The following ERICH1 variants were observed in gnomAD, a reference collection of about 807,000 sequenced individuals.
ERICH1 encodes the protein glutamate-rich protein 1.
In ERICH1, 56 loss-of-function variants were observed where a neutral mutation model predicts 39.6. That is an observed-to-expected ratio of 1.41 (90% CI 1.14 to 1.77). ERICH1 has a LOEUF of 1.77. ERICH1 is among the 40% of genes most tolerant of loss of function. The pLI is 0.00. For synonymous variants in ERICH1, 313 were observed against 223.6 expected, an observed-to-expected ratio of 1.40 and a Z score of -3.57; for missense variants, 826 against 575.4, an observed-to-expected ratio of 1.44 and a Z score of -4.45.
chr8:662,692 C>T (rs1306926814), downstream of ERICH1, among the ~76,000 whole-genome samples: 1 of 152,136 alleles, frequency 6.6e-6, no homozygotes, highest in African/African-American at 2.4e-5. Flanking sequence ...AGCATTTAAA[C>T]GGGAGGTTTG....
intron 1 of ERICH1, among the ~76,000 whole-genome samples, chr8:722,026 T>C (rs1248347374): frequency 6.6e-6 from 1 of 152,022 alleles, no homozygotes; most frequent in African/African-American, 2.4e-5. Context: ...CGATGCTGCA[T>C]GGCCCAAATG....
At position 644,256 on chromosome 8, in the gene ERICH1, G is replaced by A. The variant is rs191850959; in HGVS notation, c.976+24342C>T. Among the ~76,000 whole-genome samples, 436 of 152,306 alleles carry A rather than the reference G, an allele frequency of 2.9e-3. 12 individuals carry two copies. The highest frequency in any genetic ancestry group is 1.9e-3 in the East Asian group (10 of 5,178). On this transcript the variant is annotated intron_variant, in intron 3 of 3. Transcript: ENST00000522706. Reference sequence around the variant, plus strand: ...GCGAGTGCCTGGCCTCCTGCTCTTCGGGCTTCAGGGCTCCTGCAGAGGGTG... The same window carrying A: ...GCGAGTGCCTGGCCTCCTGCTCTTCAGGCTTCAGGGCTCCTGCAGAGGGTG...
intron 1 of ERICH1, among the ~76,000 whole-genome samples, chr8:726,407 C>A (rs1017089470): frequency 3.3e-5 from 5 of 151,990 alleles, no homozygotes; most frequent in Non-Finnish European, 7.4e-5. Flanking sequence ...CACACAGACA[C>A]ACATGTACAC....
intron 3 of ERICH1, among the ~76,000 whole-genome samples, chr8:687,864 G>A (rs1807834856): frequency 1.3e-5 from 2 of 152,106 alleles, no homozygotes; most frequent in South Asian, 2.1e-4. Context: ...CCCCGAGAAC[G>A]GAGCGCGCGG....
Position 703,260 on chromosome 8 carries a change from A to G in ERICH1, c.170-10648T>C, listed in dbSNP as rs1390670808. 2.0e-5 allele frequency among the ~76,000 whole-genome samples: 3 copies of G among 152,234 alleles called. No homozygotes were observed. The East Asian group carries it at 5.8e-4, about 29-fold the overall frequency. ...TGAAGGTGCAGGACAGACCAAGTGC[A>G]CACACCCCATCCTCCTCCTAAGGCC... is the stretch of plus-strand genomic sequence containing the variant. On this transcript the variant is annotated intron_variant, in intron 2 of 5. Coordinates refer to ENST00000262109, the MANE Select transcript of ERICH1 (RefSeq NM_207332.3).
At chr8:639,066 G>A (rs62486208) in intron 3 of ERICH1, among the ~76,000 whole-genome samples, 16,018 of 152,132 alleles carry the variant, frequency 0.11, 930 homozygotes, top group African/African-American at 0.12. Flanking sequence ...TGAAGACCAC[G>A]GTCCATGCTG....
chr8:614,826 G>C (rs145134866), exon 4 of ERICH1: 1 of 178,774 alleles, frequency 5.6e-6, no homozygotes, highest in African/African-American at 2.3e-5. Flanking sequence ...TGTGGAGACT[G>C]ATCTGAAAAA....
intron 1 of ERICH1, among the ~76,000 whole-genome samples, chr8:723,439 A>G (rs1045879743): frequency 6.6e-6 from 1 of 152,230 alleles, no homozygotes; most frequent in African/African-American, 2.4e-5. Context: ...ACAAGAAATA[A>G]TCATTAGTAG....
chr8:687,419 C>G (rs1370890596), intron 3 of ERICH1, among the ~76,000 whole-genome samples: 1 of 152,268 alleles, frequency 6.6e-6, no homozygotes, highest in Non-Finnish European at 1.5e-5. Context: ...CGGCAACGCT[C>G]ACGTTTGCAC....
chr8:629,887 G>A lies in ERICH1; in HGVS notation c.977-14603C>T, dbSNP rs1426742655. Among the ~76,000 whole-genome samples the A allele has an allele frequency of 1.8e-3, 222 of 124,862 alleles. 1 individual carries two copies. The highest frequency in any genetic ancestry group is 2.9e-3 in the South Asian group (11 of 3,790). 81.9% of individuals were successfully genotyped at this position (124,862 alleles called of 152,430 possible). On this transcript the variant is annotated intron_variant, in intron 3 of 3. Coordinates refer to the ERICH1 transcript ENST00000522706. ...AGACAGAGCTGACTCACACCCTCCT[G>A]TGAGCACCCACACAGACAGAGCTGA...
chr8:727,152 G>A (rs1275559324), intron 1 of ERICH1, among the ~76,000 whole-genome samples: 1 of 151,842 alleles, frequency 6.6e-6, no homozygotes, highest in Non-Finnish European at 1.5e-5. Flanking sequence ...GATGCACACA[G>A]ACATGCATGC....
intron 3 of ERICH1, among the ~76,000 whole-genome samples, chr8:683,442 C>G (rs1806587364): frequency 6.6e-6 from 1 of 152,174 alleles, no homozygotes; most frequent in Non-Finnish European, 1.5e-5. Context: ...TCAGCAGGTG[C>G]CTGAACACCC....
intron 5 of ERICH1, among the ~76,000 whole-genome samples, chr8:665,829 C>A (rs1476054434): frequency 6.6e-6 from 1 of 152,172 alleles, no homozygotes; most frequent in Non-Finnish European, 1.5e-5. Flanking sequence ...CAGAAAACAC[C>A]CACACCTGCT....
chr8:633,666 G>C (rs112599707), intron 3 of ERICH1, among the ~76,000 whole-genome samples: 1 of 152,258 alleles, frequency 6.6e-6, no homozygotes, highest in Non-Finnish European at 1.5e-5. Context: ...AAGCATCACC[G>C]TCCTGATATA....
rs1363540059 is a variant in ERICH1, at chr8:668,757, C to G, written c.1099G>C (p.Asp367His). ...SRDAASAALA[D>H]AAEELLDRLA... ...CGGTCCAGCAGCTCCTCAGCGGCAT[C>G]TGCGAGGGCAGCTGAAGCTGCATCT... is the stretch of plus-strand genomic sequence containing the variant. Residue 367 changes from aspartate to histidine, a missense_variant, in exon 5 of 6, where the codon GAT (aspartate) becomes CAT (histidine). Physicochemically the swap from Asp to His is moderately conservative, Grantham distance 81. Coordinates refer to ENST00000262109, the MANE Select transcript of ERICH1 (RefSeq NM_207332.3). 1 of 1,612,052 alleles carries G rather than the reference C, an allele frequency of 6.2e-7. No individual in the cohort carries two copies. The highest frequency in any genetic ancestry group is 8.5e-7 in the Non-Finnish European group (1 of 1,178,672).
At chr8:627,669 C>A (rs1797670687) in intron 3 of ERICH1, among the ~76,000 whole-genome samples, 1 of 152,224 alleles carries the variant, frequency 6.6e-6, no homozygotes, top group South Asian at 2.1e-4. Context: ...ACCACCTGAA[C>A]CCGAAAGCAA....
At chr8:653,248 G>A (rs545075116) in intron 3 of ERICH1, among the ~76,000 whole-genome samples, 52 of 152,326 alleles carry the variant, frequency 3.4e-4, no homozygotes, top group African/African-American at 1.1e-3. Context: ...GTGCTAACAC[G>A]AACTAAATGT....
intron 3 of ERICH1, among the ~76,000 whole-genome samples, chr8:652,005 G>A (rs1394270198): frequency 6.6e-6 from 1 of 152,202 alleles, no homozygotes; most frequent in Admixed American, 6.5e-5. Context: ...ACTGATTTGG[G>A]AAAAGGCCGT....
In ERICH1 at chr8:668,607, T is replaced by A. The variant is rs1257055059; in HGVS notation, c.1249A>T (p.Met417Leu). 4 of 1,614,256 alleles carry A rather than the reference T, an allele frequency of 2.5e-6. No homozygotes were observed. The highest frequency in any genetic ancestry group is 3.4e-6 in the Non-Finnish European group (4 of 1,180,046). Residue 417 changes from methionine to leucine, a missense_variant, in exon 5 of 6, where the codon ATG (methionine) becomes TTG (leucine). Transcript: ENST00000262109. The part of the protein sequence containing the change: ...ALEMFPEHCT[M>L]PPDHARVISA... ...ATCGTACGGTACTTACCAGGAGGCA[T>A]CGTGCAATGTTCTGGGAACATTTCC...
Sources: gnomAD v4.1 joint callset for allele counts (sites outside exome capture counted in the v4.1 genomes callset) on GRCh38, gnomAD v4.1.1 for gene constraint, MANE v1.5 for transcripts, NCBI Gene and HGNC (gene_info 2026-07-23, HGNC 2026-07-21) for gene names.